Variants in STRBP observed in about 807,000 individuals in gnomAD.
The protein encoded by STRBP is spermatid perinuclear RNA binding protein, also known as spermatid perinuclear RNA-binding protein.
In STRBP, 13 loss-of-function variants were observed where a neutral mutation model predicts 80.1. The observed-to-expected ratio is 0.16, with a 90% confidence interval of 0.11 to 0.26. The LOEUF (loss-of-function observed/expected upper bound fraction) is 0.26. Among genes scored for constraint, STRBP ranks in the 10% least tolerant of loss-of-function variants. STRBP has a pLI of 1.00. For missense variants in STRBP, 485 were observed against 815.2 expected (o/e 0.59, Z 4.93); for synonymous variants, 284 against 291.2 (o/e 0.98, Z 0.25).
At chr9:123,251,428 C>T (rs2040914750) in intron 1 of STRBP, among the ~76,000 whole-genome samples, 1 of 152,144 alleles carries the variant, frequency 6.6e-6, no homozygotes, top group Non-Finnish European at 1.5e-5. Flanking sequence ...ACAGTTAATA[C>T]ATGGTGGAAT....
intron 2 of STRBP, among the ~76,000 whole-genome samples, chr9:123,224,318 C>T (rs2040167434): frequency 6.6e-6 from 1 of 152,192 alleles, no homozygotes; most frequent in Non-Finnish European, 1.5e-5. Flanking sequence ...CAATTCTTCA[C>T]TCACAGAACA....
chr9:123,249,867 T>A (rs2040875919), intron 1 of STRBP, among the ~76,000 whole-genome samples: 1 of 152,160 alleles, frequency 6.6e-6, no homozygotes, highest in South Asian at 2.1e-4. Context: ...TCTCATTCTT[T>A]CCAGAGTACA....
chr9:123,163,686 T>C (rs1309273793), intron 6 of STRBP, among the ~76,000 whole-genome samples: 1 of 152,230 alleles, frequency 6.6e-6, no homozygotes, highest in Non-Finnish European at 1.5e-5. Flanking sequence ...AGATTGCCTG[T>C]TTCCTTTATA....
intron 2 of STRBP, among the ~76,000 whole-genome samples, chr9:123,189,493 T>C (rs2038840318): frequency 6.7e-6 from 1 of 149,888 alleles, no homozygotes; most frequent in African/African-American, 2.4e-5. Flanking sequence ...GTGGCACGTA[T>C]ACACCATGGA....
intron 13 of STRBP, among the ~76,000 whole-genome samples, chr9:123,143,288 G>C (rs190414646): frequency 6.6e-6 from 1 of 152,266 alleles, no homozygotes; most frequent in Admixed American, 6.5e-5. Flanking sequence ...TATCCTTTGT[G>C]GGGGGCTGCC....
At chr9:123,134,446 G>T (rs1056775804) in intron 16 of STRBP, among the ~76,000 whole-genome samples, 6 of 152,180 alleles carry the variant, frequency 3.9e-5, no homozygotes, top group African/African-American at 4.8e-5. Flanking sequence ...CAGTTTCAAG[G>T]TTAACTGTGT....
rs142813648 is a variant in STRBP, at chr9:123,143,292, G to T, written c.1338+3563C>A. Among the ~76,000 whole-genome samples, 18 of 152,312 alleles carry T rather than the reference G, an allele frequency of 1.2e-4. No individual in the cohort carries two copies. The East Asian group carries it at 1.7e-3, about 15-fold the overall frequency. On this transcript the variant is annotated intron_variant, in intron 13 of 18. Transcript: ENST00000348403. ...GACCCTAAAGGTATCCTTTGTGGGG[G>T]GCTGCCAGGATAGAGAAGTGGAAGA...
chr9:123,185,598 C>T (rs1022618046), intron 2 of STRBP, among the ~76,000 whole-genome samples: 7 of 152,122 alleles, frequency 4.6e-5, no homozygotes, highest in Admixed American at 3.9e-4. Flanking sequence ...TAACATAATA[C>T]TAAATACAAT....
chr9:123,134,153 C>G (rs1348010110), intron 16 of STRBP, among the ~76,000 whole-genome samples: 3 of 152,106 alleles, frequency 2.0e-5, no homozygotes, highest in Admixed American at 2.0e-4. Context: ...CAAAAGGTGT[C>G]TAGTTTCAAA....
intron 14 of STRBP, among the ~76,000 whole-genome samples, chr9:123,138,783 G>A (rs766137076): frequency 6.6e-6 from 1 of 152,134 alleles, no homozygotes; most frequent in African/African-American, 2.4e-5. Context: ...CACTAAGCAG[G>A]TATTAAAAGG....
intron 16 of STRBP, 33 bp from the exon 17 acceptor site, chr9:123,133,001 A>C (rs2036204722): frequency 1.9e-6 from 3 of 1,606,128 alleles, no homozygotes; most frequent in Non-Finnish European, 1.7e-6. Flanking sequence ...TTACTGAAAG[A>C]AATAAGAACC....
At chr9:123,182,296 T>C (rs2038512251) in intron 3 of STRBP, among the ~76,000 whole-genome samples, 1 of 148,858 alleles carries the variant, frequency 6.7e-6, no homozygotes, top group Admixed American at 6.7e-5. Flanking sequence ...AAAATTCTCA[T>C]TGCAATCTGA....
intron 3 of STRBP, chr9:123,114,027 C>T (rs1008497013): frequency 6.0e-6 from 1 of 167,114 alleles, no homozygotes; most frequent in Non-Finnish European, 1.5e-5. Flanking sequence ...TATATTTTCA[C>T]ATTTCACCTC....
intron 11 of STRBP, 33 bp downstream of exon 11, chr9:123,157,979 C>A: frequency 6.7e-7 from 1 of 1,498,010 alleles, no homozygotes; most frequent in South Asian, 1.1e-5. Flanking sequence ...CCAGTGCCAA[C>A]CCCCAACCCT....
At chr9:123,238,864 C>A (rs1267872499) in intron 1 of STRBP, among the ~76,000 whole-genome samples, 1 of 152,066 alleles carries the variant, frequency 6.6e-6, no homozygotes, top group Non-Finnish European at 1.5e-5. Context: ...AAAAAAGAGA[C>A]ACCCCCCCAC....
chr9:123,199,400 T>G (rs2039227534), intron 2 of STRBP, among the ~76,000 whole-genome samples: 1 of 152,232 alleles, frequency 6.6e-6, no homozygotes, highest in South Asian at 2.1e-4. Context: ...AGGATTGTTT[T>G]TTCTAATTCT....
At position 123,148,652 on chromosome 9, in the gene STRBP, A is replaced by G. The variant is rs188012562; in HGVS notation, c.1046-782T>C. On this transcript the variant is annotated intron_variant, in intron 11 of 18. Transcript: ENST00000348403. ...TATACTTTTAGAAATCTGATTATCC[A>G]ACTATAAAATATTCTTCTGCCTCTT... 1.1e-3 allele frequency among the ~76,000 whole-genome samples: 168 copies of G among 152,326 alleles called. No individual in the cohort carries two copies. In the East Asian group the frequency reaches 0.012, roughly 10 times the overall value.
At chr9:123,206,056 G>A (rs1469017119) in intron 2 of STRBP, among the ~76,000 whole-genome samples, 1 of 152,124 alleles carries the variant, frequency 6.6e-6, no homozygotes, top group Non-Finnish European at 1.5e-5. Flanking sequence ...TTACAGTTCC[G>A]GCTCGACTCC....
intron 2 of STRBP, among the ~76,000 whole-genome samples, chr9:123,221,969 C>T (rs2040081803): frequency 6.6e-6 from 1 of 152,156 alleles, no homozygotes; most frequent in Non-Finnish European, 1.5e-5. Flanking sequence ...ATAGTTATGG[C>T]ATCCAGTGAT....
Sources: allele counts gnomAD v4.1 joint callset (sites outside exome capture counted in the v4.1 genomes callset), GRCh38; gene constraint gnomAD v4.1.1; transcripts MANE v1.5; gene names NCBI Gene and HGNC (gene_info 2026-07-23, HGNC 2026-07-21).